The following KDM2A variants were observed in gnomAD, a reference collection of about 807,000 sequenced individuals.
KDM2A encodes lysine demethylase 2A, also known as lysine-specific demethylase 2A.
A neutral mutation model predicts 137.3 loss-of-function variants in KDM2A; 3 were observed. The ratio of observed to expected loss-of-function variants is 0.02; its 90% CI spans 0.01 to 0.06. The LOEUF is 0.06. Among genes scored for constraint, KDM2A ranks in the 10% least tolerant of loss-of-function variants. The pLI, the probability that KDM2A is intolerant of heterozygous loss-of-function variation, is 1.00. For synonymous variants in KDM2A, 512 were observed against 541.5 expected (o/e 0.95, Z 0.76); for missense variants, 738 against 1,510.6 (o/e 0.49, Z 8.48).
intron 11 of KDM2A, among the ~76,000 whole-genome samples, chr11:67,230,782 TTCTAAA>T (rs1410138082): frequency 6.6e-6 from 1 of 152,210 alleles, no homozygotes; most frequent in Non-Finnish European, 1.5e-5. Context: ...TTCTTGCATT[TTCTAAA>T]TTATAAAAGA....
In KDM2A at chr11:67,196,338, CTG is replaced by C. The variant is rs752354083; in HGVS notation, c.308-11168_308-11167del. On this transcript the variant is annotated intron_variant, in intron 5 of 20. Transcript: ENST00000529006. ...TACAGTTTTAAGAGATGAGGTCTCA[CTG>C]TGTTGCCCAAGCTGGCCTTGAAATC... 654 of 456,056 alleles carry C rather than the reference CTG, an allele frequency of 1.4e-3. 6 individuals are homozygous for C. Among genetic ancestry groups the C allele is most frequent in the Middle Eastern group, 2.6e-3 (8 of 3,068 alleles). 28.3% of individuals were successfully genotyped at this position (456,056 alleles called of 1,614,324 possible).
chr11:67,198,641 C>T (rs1373831385), intron 5 of KDM2A, among the ~76,000 whole-genome samples: 1 of 147,064 alleles, frequency 6.8e-6, no homozygotes, highest in South Asian at 2.2e-4. Flanking sequence ...ACCCGGAAGG[C>T]GGAGGTTGCA....
In KDM2A at chr11:67,255,220, G is replaced by C. The variant is rs1859562317; in HGVS notation, c.*165G>C. ...TACAGGTGGGGCAGAGAGGGTGGTG[G>C]ACACCAGGCTTATCTGCCTGCTCCT... is the stretch of plus-strand genomic sequence containing the variant. On this transcript the variant is annotated 3_prime_UTR_variant, in exon 21 of 21. Transcript: ENST00000529006. 1 of 632,974 alleles carries C rather than the reference G, an allele frequency of 1.6e-6. No individual in the cohort carries two copies. Among genetic ancestry groups the C allele is most frequent in the South Asian group, 1.9e-5 (1 of 51,756 alleles). The allele number at this position is 632,974 out of a possible 1,614,324, so 39.2% of individuals were successfully genotyped here.
chr11:67,119,785 C>A lies in KDM2A; in HGVS notation c.-348C>A, dbSNP rs1855555287. The A allele has an allele frequency of 6.6e-6, 1 of 150,978 alleles. No homozygotes were observed. The highest frequency in any genetic ancestry group is 2.4e-5 in the African/African-American group (1 of 41,294). The allele number at this position is 150,978 out of a possible 1,614,324, so 9.4% of individuals were successfully genotyped here. ...TCGGGCCCGGGCTGCTGACCGCTGG[C>A]CTGGGGGAGGCGGGGGCGCCCCGGG... On this transcript the variant is annotated 5_prime_UTR_variant, in exon 1 of 21. Transcript: ENST00000529006.
At chr11:67,246,848 G>T (rs2136452993) in intron 15 of KDM2A, among the ~76,000 whole-genome samples, 1 of 151,294 alleles carries the variant, frequency 6.6e-6, no homozygotes, top group African/African-American at 2.4e-5. Flanking sequence ...TGGTTTTTTT[G>T]AATACTATAT....
At chr11:67,183,476 G>C (rs1313028674) in intron 5 of KDM2A, among the ~76,000 whole-genome samples, 1 of 152,170 alleles carries the variant, frequency 6.6e-6, no homozygotes, top group Admixed American at 6.5e-5. Flanking sequence ...CAAGCACCAG[G>C]AACTTTTCTC....
intron 2 of KDM2A, among the ~76,000 whole-genome samples, chr11:67,168,582 TACACACACACACACACAC>T (rs71056179): frequency 2.9e-5 from 1 of 33,982 alleles, no homozygotes; most frequent in African/African-American, 1.3e-4. Context: ...GTATGAATTA[TACACACACACACACACAC>T]ACACACACAC....
chr11:67,146,169 A>G (rs1245705662), intron 2 of KDM2A, among the ~76,000 whole-genome samples: 3 of 150,712 alleles, frequency 2.0e-5, no homozygotes, highest in Admixed American at 6.6e-5. Context: ...TTTTTTTTCT[A>G]TTTTTAGTAG....
chr11:67,169,761 T>TCTCTCTC (rs1856837974), intron 2 of KDM2A, among the ~76,000 whole-genome samples: 1 of 41,778 alleles, frequency 2.4e-5, no homozygotes, highest in Non-Finnish European at 1.4e-4. Flanking sequence ...CTCTCTCTCT[T>TCTCTCTC]TTTTTTTTTT....
At chr11:67,149,914 G>A (rs1159831521) in intron 2 of KDM2A, among the ~76,000 whole-genome samples, 1 of 151,904 alleles carries the variant, frequency 6.6e-6, no homozygotes, top group East Asian at 1.9e-4. Flanking sequence ...GAAGAGCGGG[G>A]TTTCACCATG....
rs117795164 is a variant in KDM2A at position 67,148,482 on chromosome 11, A to G, written c.42+27124A>G. On this transcript the variant is annotated intron_variant, in intron 2 of 20. Coordinates refer to ENST00000529006, the MANE Select transcript of KDM2A (RefSeq NM_012308.3). ...GGTAAAACTCAAATAATAGGTATCA[A>G]TCATATCTTTTTTCCCCCATCAGAA... Among the ~76,000 whole-genome samples the G allele has an allele frequency of 1.8e-3, 277 of 152,160 alleles. 1 individual carries two copies. The highest frequency in any genetic ancestry group is 7.9e-3 in the South Asian group (38 of 4,820).
chr11:67,239,366 C>T (rs1858959424), intron 12 of KDM2A, among the ~76,000 whole-genome samples: 1 of 152,038 alleles, frequency 6.6e-6, no homozygotes, highest in African/African-American at 2.4e-5. Flanking sequence ...GGGTGGAGTC[C>T]TTGTCAGAAT....
chr11:67,146,251 C>T (rs554095744), intron 2 of KDM2A, among the ~76,000 whole-genome samples: 2 of 151,994 alleles, frequency 1.3e-5, no homozygotes, highest in African/African-American at 4.8e-5. Context: ...CCTCAGCCTC[C>T]CAAAGTGCTG....
chr11:67,248,239 C>T, intron 15 of KDM2A, 42 bp from the exon 16 acceptor site: 1 of 1,388,426 alleles, frequency 7.2e-7, no homozygotes. Flanking sequence ...ATAAAGGAAG[C>T]TTGAGAGACA....
rs190361837 is a variant in KDM2A, at chr11:67,256,013, G to C, written c.*958G>C. On this transcript the variant is annotated 3_prime_UTR_variant, in exon 21 of 21. Transcript: ENST00000529006. The stretch of plus-strand genomic sequence containing the variant: ...GGGCCAAGCCCCAACCTGCCTCCCA[G>C]CCAGGCTCCTCCAGGCCTCTGGTTT... 454 of 172,282 alleles carry C rather than the reference G, an allele frequency of 2.6e-3. 1 individual carries two copies. The highest frequency in any genetic ancestry group is 5.5e-3 in the Middle Eastern group (2 of 364). The allele number at this position is 172,282 out of a possible 1,614,324, so 10.7% of individuals were successfully genotyped here.
At chr11:67,186,073 A>G (rs1323840279) in intron 5 of KDM2A, among the ~76,000 whole-genome samples, 1 of 152,090 alleles carries the variant, frequency 6.6e-6, no homozygotes, top group Non-Finnish European at 1.5e-5. Flanking sequence ...GAGCAGAGAG[A>G]ATATATATTT....
At chr11:67,153,885 TTTAA>T (rs1856456533) in intron 2 of KDM2A, among the ~76,000 whole-genome samples, 1 of 152,150 alleles carries the variant, frequency 6.6e-6, no homozygotes, top group African/African-American at 2.4e-5. Context: ...TTTTTTTATT[TTTAA>T]TTGTCACATT....
chr11:67,155,391 G>A (rs528580383), intron 2 of KDM2A, among the ~76,000 whole-genome samples: 2 of 151,942 alleles, frequency 1.3e-5, no homozygotes, highest in Admixed American at 6.6e-5. Flanking sequence ...TCATTGCAGC[G>A]TCATACTCCT....
chr11:67,182,236 C>G (rs1341517360), intron 5 of KDM2A, among the ~76,000 whole-genome samples: 3 of 152,112 alleles, frequency 2.0e-5, no homozygotes, highest in Non-Finnish European at 4.4e-5. Flanking sequence ...CTTCCTTCCC[C>G]TAAAAGGAGT....
Sources: allele counts gnomAD v4.1 joint callset (sites outside exome capture counted in the v4.1 genomes callset), GRCh38; gene constraint gnomAD v4.1.1; transcripts MANE v1.5; gene names NCBI Gene and HGNC (gene_info 2026-07-23, HGNC 2026-07-21).